HCRTR2: variants seen among roughly 807,000 people sequenced by gnomAD.
HCRTR2 encodes the protein orexin receptor type 2.
A neutral mutation model predicts 49.0 loss-of-function variants in HCRTR2; 22 were observed. The observed-to-expected ratio is 0.45, with a 90% CI of 0.32 to 0.64. HCRTR2 has a LOEUF of 0.64. HCRTR2 is among the 30% of genes least tolerant of loss of function. The pLI is 0.04. For missense variants in HCRTR2, 491 were observed against 559.4 expected (o/e 0.88, Z 1.23); for synonymous variants, 236 against 205.3 (o/e 1.15, Z -1.28).
chr6:55,267,722 C>T (rs1460196018), intron 4 of HCRTR2, among the ~76,000 whole-genome samples: 4 of 151,994 alleles, frequency 2.6e-5, no homozygotes, highest in Non-Finnish European at 4.4e-5. Context: ...CTTCTTGTTC[C>T]CAGCTCTTAT....
At position 55,255,377 on chromosome 6, in the gene HCRTR2, G is replaced by T; in HGVS notation, c.644G>T (p.Gly215Val). The T allele has an allele frequency of 6.2e-7, 1 of 1,613,956 alleles. No homozygotes were observed. Among genetic ancestry groups the T allele is most frequent in the Non-Finnish European group, 8.5e-7 (1 of 1,179,912 alleles). ...TLFTVCDERWGGEIYPKMYHI... is the reference protein window; with the variant it reads ...TLFTVCDERWVGEIYPKMYHI... ...TTTACGGTGTGTGATGAGCGCTGGGGTGGTAAGTACCTTATGGCCCATCAA... is the reference window on the plus strand; with the variant it reads ...TTTACGGTGTGTGATGAGCGCTGGGTTGGTAAGTACCTTATGGCCCATCAA... Residue 215 changes from glycine (G) to valine (V), a missense_variant and splice_region_variant, in exon 3 of 7, where the codon GGT (glycine) becomes GTT (valine). By Grantham distance (109) the Gly-to-Val change is moderately radical. Transcript: ENST00000370862.
chr6:55,119,310 CTGGGTCAAA>C (rs1293679646), intron 1 of HCRTR2, among the ~76,000 whole-genome samples: 1 of 152,032 alleles, frequency 6.6e-6, no homozygotes, highest in Non-Finnish European at 1.5e-5. Flanking sequence ...AATGGGATTG[CTGGGTCAAA>C]TGGTATTTCT....
intron 4 of HCRTR2, among the ~76,000 whole-genome samples, chr6:55,276,865 G>C (rs575908262): frequency 6.6e-6 from 1 of 152,208 alleles, no homozygotes; most frequent in African/African-American, 2.4e-5. Flanking sequence ...TCATTCAAAG[G>C]TTTGCTTTGT....
At chr6:55,189,923 G>T (rs1175128605) in intron 1 of HCRTR2, among the ~76,000 whole-genome samples, 2 of 152,170 alleles carry the variant, frequency 1.3e-5, no homozygotes. Context: ...ACAAAGATAC[G>T]TGGAGTTTGA....
At chr6:55,190,965 A>G (rs1194923359) in intron 1 of HCRTR2, among the ~76,000 whole-genome samples, 1 of 152,172 alleles carries the variant, frequency 6.6e-6, no homozygotes, top group Non-Finnish European at 1.5e-5. Flanking sequence ...CAAGCCAAGT[A>G]GTTTTCCATT....
chr6:55,187,812 T>C (rs1308823763), intron 1 of HCRTR2, among the ~76,000 whole-genome samples: 1 of 151,938 alleles, frequency 6.6e-6, no homozygotes, highest in East Asian at 1.9e-4. Context: ...GTAAATGCTC[T>C]GTCTCCCAGA....
chr6:55,239,501 T>C (rs1022763199), intron 1 of HCRTR2, among the ~76,000 whole-genome samples: 3 of 152,204 alleles, frequency 2.0e-5, no homozygotes, highest in African/African-American at 4.8e-5. Flanking sequence ...TCCCTGCACA[T>C]TTGTGTGTGT....
At chr6:55,124,250 T>G (rs1764242989) in intron 1 of HCRTR2, among the ~76,000 whole-genome samples, 1 of 152,184 alleles carries the variant, frequency 6.6e-6, no homozygotes, top group Non-Finnish European at 1.5e-5. Context: ...TTCTGGGCAT[T>G]CAGTGCTATA....
chr6:55,153,471 CAT>C (rs1370149414), intron 1 of HCRTR2, among the ~76,000 whole-genome samples: 2 of 151,970 alleles, frequency 1.3e-5, no homozygotes, highest in African/African-American at 4.8e-5. Flanking sequence ...TATATCTAAA[CAT>C]AGAAAAAGTA....
chr6:55,129,658 T>G (rs1460131305), intron 1 of HCRTR2, among the ~76,000 whole-genome samples: 2 of 152,072 alleles, frequency 1.3e-5, no homozygotes, highest in Non-Finnish European at 2.9e-5. Context: ...CAATTATTCC[T>G]TCCACTAGCA....
At chr6:55,171,380 A>G (rs1025215471), upstream of HCRTR2, among the ~76,000 whole-genome samples, 1 of 152,180 alleles carries the variant, frequency 6.6e-6, no homozygotes, top group Non-Finnish European at 1.5e-5. Context: ...TGTGTTTGTA[A>G]AATGGATTGA....
chr6:55,271,007 G>A (rs1766963088), intron 4 of HCRTR2, among the ~76,000 whole-genome samples: 2 of 152,160 alleles, frequency 1.3e-5, no homozygotes, highest in South Asian at 4.1e-4. Context: ...CAATTCCTAT[G>A]AAAATCCCAG....
intron 1 of HCRTR2, among the ~76,000 whole-genome samples, chr6:55,247,790 A>T (rs1325589251): frequency 6.6e-6 from 1 of 152,130 alleles, no homozygotes; most frequent in Non-Finnish European, 1.5e-5. Flanking sequence ...GCTGGCTATG[A>T]AAGTATTGAA....
At chr6:55,274,047 A>G (rs1767025707) in intron 4 of HCRTR2, among the ~76,000 whole-genome samples, 2 of 151,832 alleles carry the variant, frequency 1.3e-5, no homozygotes, top group South Asian at 2.1e-4. Context: ...TTCATAAAAA[A>G]TTAAAATTAG....
downstream of HCRTR2, chr6:55,282,729 A>T: frequency 2.4e-6 from 1 of 408,244 alleles, no homozygotes; most frequent in Non-Finnish European, 4.4e-6. Flanking sequence ...TTAAATGTTT[A>T]AACATTTCTA....
chr6:55,186,561 T>C (rs1053239017), intron 1 of HCRTR2, among the ~76,000 whole-genome samples: 2 of 152,246 alleles, frequency 1.3e-5, no homozygotes, highest in Non-Finnish European at 2.9e-5. Flanking sequence ...TTTGTTCTTT[T>C]GTTTTCTCAA....
At chr6:55,123,370 T>C (rs562539882) in intron 1 of HCRTR2, among the ~76,000 whole-genome samples, 94 of 152,212 alleles carry the variant, frequency 6.2e-4, no homozygotes, top group African/African-American at 2.2e-3. Flanking sequence ...CTTTTCTGCA[T>C]CTTTTGAGAT....
At chr6:55,257,943 T>A in intron 3 of HCRTR2, among the ~76,000 whole-genome samples, 1 of 152,118 alleles carries the variant, frequency 6.6e-6, no homozygotes, top group South Asian at 2.1e-4. Context: ...CTAAGAATAT[T>A]TTTAAGAAAA....
intron 1 of HCRTR2, among the ~76,000 whole-genome samples, chr6:55,136,644 G>T (rs1444252845): frequency 6.6e-6 from 1 of 152,142 alleles, no homozygotes; most frequent in African/African-American, 2.4e-5. Flanking sequence ...AAATTTAGGT[G>T]ACTTACCCAA....
Sources: gnomAD v4.1 joint callset for allele counts (sites outside exome capture counted in the v4.1 genomes callset) on GRCh38, gnomAD v4.1.1 for gene constraint, MANE v1.5 for transcripts, NCBI Gene and HGNC (gene_info 2026-07-23, HGNC 2026-07-21) for gene names.